The following THSD7A variants were observed in gnomAD, a reference collection of about 807,000 sequenced individuals.
THSD7A encodes the protein thrombospondin type-1 domain-containing protein 7A.
Under a neutral mutation model 231.3 loss-of-function variants are expected in THSD7A, and 96 were observed. That is an observed-to-expected ratio of 0.41 (90% CI 0.35 to 0.49). THSD7A has a LOEUF of 0.49. Among genes scored for constraint, THSD7A ranks in the 20% least tolerant of loss-of-function variants. The pLI, the probability that THSD7A is intolerant of heterozygous loss-of-function variation, is 0.05. For synonymous variants in THSD7A, 940 were observed against 743.3 expected (o/e 1.26, Z -4.30); for missense variants, 2,290 against 2,070.2 (o/e 1.11, Z -2.06).
intron 13 of THSD7A, among the ~76,000 whole-genome samples, chr7:11,436,954 A>G (rs571275621): frequency 5.9e-5 from 9 of 152,248 alleles, no homozygotes; most frequent in African/African-American, 2.2e-4. Context: ...AAAATTTCCT[A>G]TAGTGGCAGA....
intron 1 of THSD7A, among the ~76,000 whole-genome samples, chr7:11,651,649 G>T (rs981777201): frequency 1.3e-5 from 2 of 151,828 alleles, no homozygotes; most frequent in African/African-American, 4.8e-5. Flanking sequence ...CAAGTTCAAA[G>T]CCTTGGGGAA....
At chr7:11,555,791 G>C (rs1031739426) in intron 4 of THSD7A, among the ~76,000 whole-genome samples, 4 of 151,014 alleles carry the variant, frequency 2.6e-5, no homozygotes, top group Middle Eastern at 3.4e-3. Flanking sequence ...TTGCCTTCTT[G>C]GTGGATTGAC....
At chr7:11,496,917 C>A (rs1161647852) in intron 6 of THSD7A, among the ~76,000 whole-genome samples, 1 of 152,070 alleles carries the variant, frequency 6.6e-6, no homozygotes, top group Non-Finnish European at 1.5e-5. Flanking sequence ...TTAGAGCAGA[C>A]AATATAGATG....
chr7:11,747,899 A>G (rs531519442), intron 1 of THSD7A, among the ~76,000 whole-genome samples: 1 of 152,084 alleles, frequency 6.6e-6, no homozygotes, highest in Non-Finnish European at 1.5e-5. Context: ...TGATATTAAC[A>G]TAATAGGCCA....
chr7:11,747,541 T>G (rs1782350045), intron 1 of THSD7A, among the ~76,000 whole-genome samples: 1 of 151,998 alleles, frequency 6.6e-6, no homozygotes, highest in South Asian at 2.1e-4. Flanking sequence ...TATTCTTTTA[T>G]ACCATAACTT....
intron 1 of THSD7A, among the ~76,000 whole-genome samples, chr7:11,659,000 G>A (rs1168955351): frequency 6.6e-6 from 1 of 151,574 alleles, no homozygotes; most frequent in Non-Finnish European, 1.5e-5. Context: ...CACTTTTAGA[G>A]GTATTTCTGA....
intron 1 of THSD7A, among the ~76,000 whole-genome samples, chr7:11,767,233 C>T (rs1783057791): frequency 6.6e-6 from 1 of 152,076 alleles, no homozygotes; most frequent in Non-Finnish European, 1.5e-5. Flanking sequence ...CATATTATTC[C>T]TCTGCCCCAA....
At chr7:11,625,961 T>C (rs1232717997) in intron 2 of THSD7A, among the ~76,000 whole-genome samples, 1 of 152,010 alleles carries the variant, frequency 6.6e-6, no homozygotes, top group African/African-American at 2.4e-5. Flanking sequence ...GCTCTCACAA[T>C]GTCTCAAGCA....
intron 4 of THSD7A, among the ~76,000 whole-genome samples, chr7:11,547,972 G>C (rs1789467175): frequency 6.6e-6 from 1 of 152,048 alleles, no homozygotes; most frequent in Non-Finnish European, 1.5e-5. Context: ...AGAGGAAAGT[G>C]ACACCAAAGC....
chr7:11,528,776 A>G (rs568190008), intron 6 of THSD7A, among the ~76,000 whole-genome samples: 217 of 152,270 alleles, frequency 1.4e-3, no homozygotes, highest in Non-Finnish European at 2.3e-3. Context: ...TGAGATAAGA[A>G]ATCTCATATT....
At chr7:11,652,864 C>G (rs1255960049) in intron 1 of THSD7A, among the ~76,000 whole-genome samples, 2 of 151,808 alleles carry the variant, frequency 1.3e-5, no homozygotes, top group Admixed American at 1.3e-4. Flanking sequence ...TAAAAGTCAA[C>G]TGAATTTTGT....
At chr7:11,718,982 A>T (rs1430787749) in intron 1 of THSD7A, among the ~76,000 whole-genome samples, 1 of 151,708 alleles carries the variant, frequency 6.6e-6, no homozygotes, top group Non-Finnish European at 1.5e-5. Flanking sequence ...CTTTATACAA[A>T]TTGAGAAATT....
intron 1 of THSD7A, among the ~76,000 whole-genome samples, chr7:11,774,737 T>A (rs1459777531): frequency 6.6e-6 from 1 of 152,204 alleles, no homozygotes; most frequent in African/African-American, 2.4e-5. Flanking sequence ...AGTATATTTC[T>A]ATCTGAATAT....
At chr7:11,743,700 G>T (rs1040050342) in intron 1 of THSD7A, among the ~76,000 whole-genome samples, 8 of 151,362 alleles carry the variant, frequency 5.3e-5, no homozygotes, top group Non-Finnish European at 1.0e-4. Flanking sequence ...AATACTCTAA[G>T]TTGTGTTAGT....
At chr7:11,552,972 C>G (rs537773775) in intron 4 of THSD7A, among the ~76,000 whole-genome samples, 1 of 152,212 alleles carries the variant, frequency 6.6e-6, no homozygotes, top group South Asian at 2.1e-4. Flanking sequence ...ACCCTTCTCT[C>G]TCTCTAGAGA....
chr7:11,522,085 G>A (rs1340574755), intron 6 of THSD7A, among the ~76,000 whole-genome samples: 1 of 152,064 alleles, frequency 6.6e-6, no homozygotes, highest in Non-Finnish European at 1.5e-5. Context: ...GTAGAATTAG[G>A]ACCTGATAAA....
intron 1 of THSD7A, among the ~76,000 whole-genome samples, chr7:11,744,776 C>CT (rs1370084958): frequency 2.0e-5 from 3 of 151,796 alleles, no homozygotes; most frequent in African/African-American, 7.3e-5. Flanking sequence ...TGAACTCATC[C>CT]TTTTTTATGG....
rs557016403 is a variant in THSD7A, at chr7:11,725,249, AC to A, written c.191-88289del. ...AGGGATGCCTGATACCATTTGTTTA[AC>A]ATGGAATGAAATAGGATAAATGGGA... On this transcript the variant is annotated intron_variant, in intron 1 of 27. Transcript: ENST00000423059. 1.1e-4 allele frequency among the ~76,000 whole-genome samples: 16 copies of A among 152,104 alleles called. No individual in the cohort carries two copies. The South Asian group carries it at 3.1e-3, about 30-fold the overall frequency.
chr7:11,699,980 G>C (rs571784581), intron 1 of THSD7A, among the ~76,000 whole-genome samples: 1 of 151,456 alleles, frequency 6.6e-6, no homozygotes, highest in East Asian at 2.0e-4. Flanking sequence ...AGCAGAGTCA[G>C]AATCAGAATA....
Sources: allele counts gnomAD v4.1 joint callset (sites outside exome capture counted in the v4.1 genomes callset), GRCh38; gene constraint gnomAD v4.1.1; transcripts MANE v1.5; gene names NCBI Gene and HGNC (gene_info 2026-07-23, HGNC 2026-07-21).